PLEKHG4B: variants seen among roughly 807,000 people sequenced by gnomAD.
The protein encoded by PLEKHG4B is pleckstrin homology domain-containing family G member 4B.
Under a neutral mutation model 121.3 loss-of-function variants are expected in PLEKHG4B, and 111 were observed. The observed-to-expected ratio is 0.92, with a 90% CI of 0.78 to 1.07. The LOEUF (loss-of-function observed/expected upper bound fraction) is 1.07, where lower values mean the gene tolerates loss of function less well. Among genes scored for constraint, PLEKHG4B ranks in the 50% least tolerant of loss-of-function variants. PLEKHG4B has a pLI of 0.00. For missense variants in PLEKHG4B, 1,831 were observed against 1,757.8 expected, an observed-to-expected ratio of 1.04 and a Z score of -0.74; for synonymous variants, 738 against 725.0, an observed-to-expected ratio of 1.02 and a Z score of -0.29.
intron 3 of PLEKHG4B, 51 bp from the exon 4 acceptor site, chr5:142,996 C>A: frequency 6.5e-7 from 1 of 1,545,408 alleles, no homozygotes; most frequent in Non-Finnish European, 8.9e-7. Flanking sequence ...CAGCTGCTTT[C>A]AACGCGCAGG....
intron 2 of PLEKHG4B, among the ~76,000 whole-genome samples, chr5:115,559 A>G (rs1272370809): frequency 1.3e-5 from 2 of 152,216 alleles, no homozygotes; most frequent in Non-Finnish European, 2.9e-5. Flanking sequence ...TCTTCTTCCA[A>G]TAGAAGGCTG....
intron 3 of PLEKHG4B, among the ~76,000 whole-genome samples, chr5:142,471 C>T (rs1209141727): frequency 6.6e-6 from 1 of 151,754 alleles, no homozygotes; most frequent in Non-Finnish European, 1.5e-5. Context: ...ATCACATGCT[C>T]CAGAGTTACA....
At chr5:144,996 T>TG in intron 6 of PLEKHG4B, 76 bp downstream of exon 6, 1 of 1,399,058 alleles carries the variant, frequency 7.1e-7, no homozygotes. Flanking sequence ...GCCCACATCG[T>TG]GGTTCTGGAG....
rs147897190 is a variant in PLEKHG4B at position 182,154 on chromosome 5, C to G, written c.4715C>G (p.Ser1572Cys). The change falls in exon 20 of 20, where the codon TCC becomes TGC. Residue 1572 changes from serine (S) to cysteine (C), a missense_variant. Transcript: ENST00000637938. ...GGGTCGCTGGGCCTGCTTGTGTCCT[C>G]CAGCCCAGCCCACCCGGGCCTATGG... is the stretch of plus-strand genomic sequence containing the variant. ...ILGSLGLLVSSSPAHPGLWSP... is the reference protein window; with the variant it reads ...ILGSLGLLVSCSPAHPGLWSP... 1 of 1,614,008 alleles carries G rather than the reference C, an allele frequency of 6.2e-7. No individual in the cohort carries two copies. Among genetic ancestry groups the G allele is most frequent in the Non-Finnish European group, 8.5e-7 (1 of 1,180,036 alleles).
At chr5:138,002 C>T (rs1050988578) in intron 2 of PLEKHG4B, among the ~76,000 whole-genome samples, 5 of 152,210 alleles carry the variant, frequency 3.3e-5, no homozygotes, top group Admixed American at 1.3e-4. Flanking sequence ...GTGAGGAACA[C>T]GCGCAGACGT....
At chr5:126,207 G>A (rs1028679603) in intron 2 of PLEKHG4B, among the ~76,000 whole-genome samples, 11 of 152,000 alleles carry the variant, frequency 7.2e-5, no homozygotes, top group African/African-American at 2.7e-4. Context: ...TCTCCTTCTG[G>A]AACTCCCATT....
At chr5:115,215 G>GT (rs1451050716) in intron 2 of PLEKHG4B, among the ~76,000 whole-genome samples, 2 of 152,232 alleles carry the variant, frequency 1.3e-5, no homozygotes, top group Non-Finnish European at 2.9e-5. Context: ...GAGCTCTTGG[G>GT]TGACCACATG....
chr5:174,020 G>C lies in PLEKHG4B; in HGVS notation c.4324G>C (p.Ala1442Pro). Residue 1442 changes from alanine to proline, a missense_variant, in exon 18 of 20, where the codon GCA (alanine) becomes CCA (proline). Physicochemically the swap from Ala to Pro is conservative, Grantham distance 27. Transcript: ENST00000637938. ...RKSQDTYILQ[A>P]SSAEVKSAWT... ...ATCTCAGGACACCTACATTCTCCAAGCAAGCTCGGCAGAGGTCAAGAGTGC... is the reference window on the plus strand; with the variant it reads ...ATCTCAGGACACCTACATTCTCCAACCAAGCTCGGCAGAGGTCAAGAGTGC... 1 of 1,608,038 alleles carries C rather than the reference G, an allele frequency of 6.2e-7. No homozygotes were observed. Among genetic ancestry groups the C allele is most frequent in the East Asian group, 2.2e-5 (1 of 44,666 alleles).
At position 157,374 on chromosome 5, in the gene PLEKHG4B, G is replaced by A. The variant is rs1735823047; in HGVS notation, c.2487+463G>A. 6.6e-6 allele frequency among the ~76,000 whole-genome samples: 1 copy of A among 152,158 alleles called. No homozygotes were observed. The highest frequency in any genetic ancestry group is 2.4e-5 in the African/African-American group (1 of 41,450). On this transcript the variant is annotated intron_variant, in intron 11 of 19. Coordinates refer to ENST00000637938, the MANE Select transcript of PLEKHG4B (RefSeq NM_052909.5). This position sits in a 1 kb window ranked among gnomAD's most constrained non-coding sequence, Gnocchi z 4.6. ...CTCTGGAGGCCAGGGAGAGGCTCAAGGTTTTAAAGAAAAGAGGACAAATCG... is the reference window on the plus strand; with the variant it reads ...CTCTGGAGGCCAGGGAGAGGCTCAAAGTTTTAAAGAAAAGAGGACAAATCG...
In PLEKHG4B at chr5:143,252, C is replaced by T. The variant is rs1289784901; in HGVS notation, c.1683C>T (p.Leu561=). The T allele has an allele frequency of 6.2e-7, 1 of 1,610,044 alleles. No homozygotes were observed. The highest frequency in any genetic ancestry group is 8.5e-7 in the Non-Finnish European group (1 of 1,179,968). The change falls in exon 4 of 20, where the codon CTC becomes CTT. Residue 561 remains leucine, a synonymous_variant. Coordinates refer to ENST00000637938, the MANE Select transcript of PLEKHG4B (RefSeq NM_052909.5). The part of the protein sequence containing the change: ...QELLQSGVVT[L]PGTRDRHGRA... The stretch of plus-strand genomic sequence containing the variant: ...TGCTGCAGTCCGGGGTCGTCACCCT[C>T]CCAGGTGAGAGCACATGCCAGGCTC...
At chr5:125,130 A>G (rs900046235) in intron 2 of PLEKHG4B, among the ~76,000 whole-genome samples, 2 of 152,174 alleles carry the variant, frequency 1.3e-5, no homozygotes, top group African/African-American at 4.8e-5. Context: ...GAGACTTAAA[A>G]AAAAATCAAT....
rs116346010 is a variant in PLEKHG4B, at chr5:170,134, T to C, written c.3729+542T>C. ...AATGTGGAATCTCTCTGTTTGAGAG[T>C]CTTTAATAAAGTTTTTAATTTACTC... On this transcript the variant is annotated intron_variant, in intron 14 of 19. Transcript: ENST00000637938. Among the ~76,000 whole-genome samples the C allele has an allele frequency of 1.2e-3, 184 of 152,270 alleles. 1 individual carries two copies. Among genetic ancestry groups the C allele is most frequent in the African/African-American group, 4.1e-3 (171 of 41,540 alleles).
chr5:125,306 G>A (rs1734581152), intron 2 of PLEKHG4B, among the ~76,000 whole-genome samples: 1 of 152,024 alleles, frequency 6.6e-6, no homozygotes, highest in South Asian at 2.1e-4. Context: ...TTGATTTTTT[G>A]TAGTAAAAGT....
chr5:134,620 G>A (rs1470074062), intron 2 of PLEKHG4B, among the ~76,000 whole-genome samples: 1 of 151,850 alleles, frequency 6.6e-6, no homozygotes, highest in African/African-American at 2.4e-5. Flanking sequence ...ACAAAAATTA[G>A]CCAGGTATGG....
At chr5:150,211 A>G (rs1168279006) in intron 6 of PLEKHG4B, among the ~76,000 whole-genome samples, 5 of 152,248 alleles carry the variant, frequency 3.3e-5, no homozygotes, top group Admixed American at 3.3e-4. Context: ...GACATATGCC[A>G]CAGCATGTAT....
rs573197849 is a variant in PLEKHG4B, at chr5:146,168, C to T, written c.1905+1248C>T. Reference sequence around the variant, plus strand: ...GTCCTCCCTCCTCTCCCCCATTCTGCAGCCCTCCCTCCTCTTCCTTTCCAT... The same window carrying T: ...GTCCTCCCTCCTCTCCCCCATTCTGTAGCCCTCCCTCCTCTTCCTTTCCAT... On this transcript the variant is annotated intron_variant, in intron 6 of 19. Transcript: ENST00000637938. Among the ~76,000 whole-genome samples the T allele has an allele frequency of 8.9e-5, 12 of 134,192 alleles. No individual in the cohort carries two copies. The South Asian group carries it at 1.3e-3, about 15-fold the overall frequency. 88.0% of individuals were successfully genotyped at this position (134,192 alleles called of 152,430 possible).
intron 3 of PLEKHG4B, among the ~76,000 whole-genome samples, chr5:142,294 C>T (rs1196474718): frequency 1.3e-5 from 2 of 152,176 alleles, no homozygotes; most frequent in Non-Finnish European, 2.9e-5. Flanking sequence ...TCTTGCAGCA[C>T]CCCTCGCAGT....
At chr5:176,355 C>G (rs1418099310) in intron 18 of PLEKHG4B, among the ~76,000 whole-genome samples, 2 of 152,254 alleles carry the variant, frequency 1.3e-5, no homozygotes, top group African/African-American at 4.8e-5. Context: ...ATTTCAACCC[C>G]TCTGGTGTTC....
At chr5:132,727 T>G (rs903855307) in intron 2 of PLEKHG4B, among the ~76,000 whole-genome samples, 1 of 152,194 alleles carries the variant, frequency 6.6e-6, no homozygotes, top group Non-Finnish European at 1.5e-5. Context: ...ATTTCCGGGT[T>G]CTCTATTCTG....
Sources: gnomAD v4.1 joint callset for allele counts (sites outside exome capture counted in the v4.1 genomes callset) on GRCh38, gnomAD v4.1.1 for gene constraint, Gnocchi (gnomAD v3.1) non-coding constraint, MANE v1.5 for transcripts, NCBI Gene and HGNC (gene_info 2026-07-23, HGNC 2026-07-21) for gene names.